SOS1: variants seen among roughly 807,000 people sequenced by gnomAD.
The protein encoded by SOS1 is son of sevenless homolog 1.
SOS1 carries 25 observed loss-of-function variants against 157.6 expected under a neutral mutation model. The ratio of observed to expected loss-of-function variants is 0.16; its 90% CI spans 0.12 to 0.22. SOS1 has a LOEUF of 0.22. SOS1 is among the 10% of genes least tolerant of loss of function. SOS1 has a pLI of 1.00. For missense variants in SOS1, 1,237 were observed against 1,599.1 expected (o/e 0.77, Z 3.86); for synonymous variants, 528 against 534.0 (o/e 0.99, Z 0.16).
intron 1 of SOS1, among the ~76,000 whole-genome samples, chr2:39,090,915 C>G (rs1672569246): frequency 6.6e-6 from 1 of 152,100 alleles, no homozygotes; most frequent in African/African-American, 2.4e-5. Context: ...GTCACCCAAG[C>G]TGGAGTGCAG....
chr2:39,089,630 G>A (rs968317728), intron 1 of SOS1, among the ~76,000 whole-genome samples: 1 of 151,638 alleles, frequency 6.6e-6, no homozygotes, highest in Non-Finnish European at 1.5e-5. Flanking sequence ...AGTAGCAATA[G>A]TATTGGATTA....
intron 1 of SOS1, among the ~76,000 whole-genome samples, chr2:39,079,261 G>A (rs1289622285): frequency 1.2e-5 from 1 of 80,684 alleles, no homozygotes; most frequent in Non-Finnish European, 2.6e-5. Context: ...ATAAAATGGG[G>A]CAAAAATATA....
At chr2:39,014,681 A>G in intron 11 of SOS1, 84 bp downstream of exon 11, 1 of 711,028 alleles carries the variant, frequency 1.4e-6, no homozygotes, top group South Asian at 1.8e-5. Context: ...TTTAAAGCTC[A>G]TCTAACATTT....
intron 1 of SOS1, among the ~76,000 whole-genome samples, chr2:39,107,976 C>T (rs1673265653): frequency 6.6e-6 from 1 of 152,146 alleles, no homozygotes; most frequent in South Asian, 2.1e-4. Context: ...TAAATCCCTC[C>T]TATCACAATT....
chr2:39,029,177 G>A (rs751495218), intron 8 of SOS1, among the ~76,000 whole-genome samples: 4 of 152,186 alleles, frequency 2.6e-5, no homozygotes, highest in East Asian at 3.9e-4. Context: ...TAATTAAAAC[G>A]AAATTTCAAT....
chr2:39,068,277 A>G (rs892073924), intron 1 of SOS1, among the ~76,000 whole-genome samples: 4 of 152,190 alleles, frequency 2.6e-5, no homozygotes, highest in African/African-American at 4.8e-5. Flanking sequence ...TAATTTCAGT[A>G]TGTTTTTTCT....
intron 6 of SOS1, among the ~76,000 whole-genome samples, chr2:39,044,881 C>CACACAT: frequency 6.6e-6 from 1 of 151,228 alleles, no homozygotes; most frequent in African/African-American, 2.4e-5. Context: ...CACACACACA[C>CACACAT]TCTGTTGTCC....
chr2:39,034,019 A>G (rs954545048), intron 8 of SOS1, among the ~76,000 whole-genome samples: 8 of 152,342 alleles, frequency 5.3e-5, no homozygotes, highest in African/African-American at 1.9e-4. Flanking sequence ...TATAGTTAGT[A>G]ATAATGAATT....
In SOS1 at chr2:39,073,560, ACCTT is replaced by A. The variant is rs1440031724; in HGVS notation, c.88-5811_88-5808del. ...AAAGATGAAAACTCTTGAATTATAA[ACCTT>A]CCTTAAGGACTACTTGATTCTATCT... On this transcript the variant is annotated intron_variant, in intron 1 of 22. Coordinates refer to ENST00000402219, the MANE Select transcript of SOS1 (RefSeq NM_005633.4). Among the ~76,000 whole-genome samples, 2 of 152,222 alleles carry A rather than the reference ACCTT, an allele frequency of 1.3e-5. 1 individual carries two copies. Among genetic ancestry groups the A allele is most frequent in the African/African-American group, 4.8e-5 (2 of 41,462 alleles).
At chr2:39,095,700 A>G (rs1672745528) in intron 1 of SOS1, among the ~76,000 whole-genome samples, 1 of 152,350 alleles carries the variant, frequency 6.6e-6, no homozygotes, top group African/African-American at 2.4e-5. Flanking sequence ...AAATTATTTC[A>G]GTTCCACATA....
Position 39,120,609 on chromosome 2 carries a change from C to A in SOS1, c.-187G>T, listed in dbSNP as rs993936854. On this transcript the variant is annotated 5_prime_UTR_variant, in exon 1 of 23. Coordinates refer to ENST00000402219, the MANE Select transcript of SOS1 (RefSeq NM_005633.4). ...GGGGGGCGAGGCCCGCGCCTGGCCA[C>A]CCACCCGACACAGGTACCAGCCGTG... 4 of 532,648 alleles carry A rather than the reference C, an allele frequency of 7.5e-6. No homozygotes were observed. Among genetic ancestry groups the A allele is most frequent in the Non-Finnish European group, 9.7e-6 (4 of 413,316 alleles). 33.0% of individuals were successfully genotyped at this position (532,648 alleles called of 1,614,324 possible).
At chr2:39,045,273 AGT>A (rs60673777) in intron 6 of SOS1, among the ~76,000 whole-genome samples, 92 of 108,088 alleles carry the variant, frequency 8.5e-4, no homozygotes, top group Non-Finnish European at 1.1e-3. Flanking sequence ...AGAGAGAGAG[AGT>A]GTGTGTGTGT....
rs1668419457 is a variant in SOS1, at chr2:38,982,160, C to T, written c.*3664G>A. 3 of 152,138 alleles carry T rather than the reference C, an allele frequency of 2.0e-5. No individual in the cohort carries two copies. In the South Asian group the frequency reaches 6.2e-4, roughly 31 times the overall value. 9.4% of individuals were successfully genotyped at this position (152,138 alleles called of 1,614,324 possible). On this transcript the variant is annotated 3_prime_UTR_variant, in exon 23 of 23. Coordinates refer to ENST00000402219, the MANE Select transcript of SOS1 (RefSeq NM_005633.4). ...CTGCAGCAATTGGCTACTTAATGCA[C>T]TATTTTCATTAAAGGCAAAAGGGAA...
At chr2:38,996,755 C>T (rs1558460461) in intron 19 of SOS1, among the ~76,000 whole-genome samples, 167 bp downstream of exon 19, 1 of 152,110 alleles carries the variant, frequency 6.6e-6, no homozygotes, top group Non-Finnish European at 1.5e-5. Flanking sequence ...TTAATACTAA[C>T]ATTCATTTAT....
Position 39,067,700 on chromosome 2 carries a change from A to G in SOS1, c.141T>C (p.Tyr47=), listed in dbSNP as rs201649682. The G allele has an allele frequency of 2.4e-5, 39 of 1,612,064 alleles. No homozygotes were observed. The East Asian group carries it at 8.5e-4, about 35-fold the overall frequency. The part of the protein sequence containing the change: ...TLESNDDALQ[Y]VEELILQLLN... ...ATAATTGCAAAATTAATTCTTCAACATACTGAAGAGCATCATCATTAGACT... is the reference window on the plus strand; with the variant it reads ...ATAATTGCAAAATTAATTCTTCAACGTACTGAAGAGCATCATCATTAGACT... Residue 47 remains tyrosine, a synonymous_variant, in exon 2 of 23, where the codon TAT becomes TAC. Transcript: ENST00000402219.
intron 22 of SOS1, 91 bp from the exon 23 acceptor site, chr2:38,986,406 T>A: frequency 8.4e-7 from 1 of 1,194,892 alleles, no homozygotes; most frequent in Non-Finnish European, 1.2e-6. Context: ...TCAAACATGC[T>A]ATTGGCAGGA....
chr2:38,997,625 C>A (rs1015541314), intron 17 of SOS1, among the ~76,000 whole-genome samples, 200 bp from the exon 18 acceptor site: 1 of 147,200 alleles, frequency 6.8e-6, no homozygotes, highest in Non-Finnish European at 1.5e-5. Context: ...TTTTTTTCCT[C>A]ATCAGAATCC....
At position 39,024,069 on chromosome 2, in the gene SOS1, A is replaced by G. The variant is rs1341270100; in HGVS notation, c.1143T>C (p.Leu381=). 4 of 1,602,418 alleles carry G rather than the reference A, an allele frequency of 2.5e-6. No individual in the cohort carries two copies. The highest frequency in any genetic ancestry group is 3.4e-6 in the Non-Finnish European group (4 of 1,169,566). Reference sequence around the variant, plus strand: ...TTTTTTCCATACCACTCTGAACATTAAGCAAAGCTGTTATTGCTTGTTTTA... The same window carrying G: ...TTTTTTCCATACCACTCTGAACATTGAGCAAAGCTGTTATTGCTTGTTTTA... ...ECLKQAITAL[L]NVQSGMEKIC... The change falls in exon 9 of 23, where the codon CTT becomes CTC. Residue 381 remains leucine, a synonymous_variant. Transcript: ENST00000402219.
At position 39,023,333 on chromosome 2, in the gene SOS1, G is replaced by C. The variant is rs989121955; in HGVS notation, c.1203-108C>G. On this transcript the variant is annotated intron_variant, in intron 9 of 22. Transcript: ENST00000402219. ...GATTTTTACAAGTCTCACTGAGAAGGTATTCACTAATTCCCCAAATAGATT... is the reference window on the plus strand; with the variant it reads ...GATTTTTACAAGTCTCACTGAGAAGCTATTCACTAATTCCCCAAATAGATT... The C allele has an allele frequency of 1.3e-5, 10 of 748,638 alleles. 1 individual carries two copies. The highest frequency in any genetic ancestry group is 9.1e-5 in the South Asian group (5 of 54,950). 46.4% of individuals were successfully genotyped at this position (748,638 alleles called of 1,614,324 possible). A position where few individuals can be genotyped will look rare whatever the true frequency, so the allele number is the denominator to read the frequency against.
Sources: gnomAD v4.1 joint callset for allele counts (sites outside exome capture counted in the v4.1 genomes callset) on GRCh38, gnomAD v4.1.1 for gene constraint, MANE v1.5 for transcripts, NCBI Gene and HGNC (gene_info 2026-07-23, HGNC 2026-07-21) for gene names.